WDFY3: variants seen among roughly 807,000 people sequenced by gnomAD.
WDFY3 encodes the protein WD repeat and FYVE domain containing 3, also known as WD repeat and FYVE domain-containing protein 3.
Under a neutral mutation model 409.6 loss-of-function variants are expected in WDFY3, and 66 were observed. The observed-to-expected ratio is 0.16, with a 90% confidence interval of 0.13 to 0.20. The LOEUF (loss-of-function observed/expected upper bound fraction) is 0.20, where lower values mean the gene tolerates loss of function less well. Ranked by LOEUF, WDFY3 falls within the 10% of genes least tolerant of loss-of-function variation. WDFY3 has a pLI of 1.00. For missense variants in WDFY3, 3,031 were observed against 4,298.1 expected (o/e 0.71, Z 8.24); for synonymous variants, 1,521 against 1,537.1 (o/e 0.99, Z 0.25).
rs1732453248 is a variant in WDFY3, at chr4:84,709,027, C to G, written c.8099G>C (p.Arg2700Thr). Residue 2700 changes from arginine (R) to threonine (T), a missense_variant and splice_region_variant, in exon 53 of 68, where the codon AGA becomes ACA. Around this residue, in one of 16 missense-constraint regions of WDFY3, gnomAD observed 45 missense variants for 121.8 expected, o/e 0.37. Transcript: ENST00000295888. ...ATATTGGAAGTTGCTGATTTCACCT[C>G]TCTGGAAAAAGATAAATATTCATTT... The part of the protein sequence containing the change: ...GEKSVTQRWE[R>T]GEISNFQYLM... 1 of 1,613,342 alleles carries G rather than the reference C, an allele frequency of 6.2e-7. No homozygotes were observed. Among genetic ancestry groups the G allele is most frequent in the Non-Finnish European group, 8.5e-7 (1 of 1,179,754 alleles).
chr4:84,961,668 T>A (rs1561172208), intron 1 of WDFY3, among the ~76,000 whole-genome samples: 1 of 152,112 alleles, frequency 6.6e-6, no homozygotes, highest in Non-Finnish European at 1.5e-5. Flanking sequence ...ATTATTTTTT[T>A]ATAAATATCT....
chr4:84,771,272 G>C (rs1744636833), intron 30 of WDFY3, among the ~76,000 whole-genome samples: 2 of 152,002 alleles, frequency 1.3e-5, no homozygotes, highest in African/African-American at 4.8e-5. Context: ...TGAGTAGCTG[G>C]GTCTATAGGT....
chr4:84,828,332 A>C (rs1755160737), intron 9 of WDFY3, among the ~76,000 whole-genome samples: 1 of 152,176 alleles, frequency 6.6e-6, no homozygotes, highest in East Asian at 1.9e-4. Context: ...TTTCATATAC[A>C]CAGTTGTAAG....
At chr4:84,686,661 G>C (rs1202930796) in intron 62 of WDFY3, among the ~76,000 whole-genome samples, 1 of 152,160 alleles carries the variant, frequency 6.6e-6, no homozygotes, top group Non-Finnish European at 1.5e-5. Context: ...GTAGGGGTGA[G>C]GGTAAGGTGG....
In WDFY3 at chr4:84,672,942, C is replaced by T; in HGVS notation, c.10507G>A (p.Val3503Met). ...EIKRLKISSP[V>M]RVCQNCYYNL... ...TAATAACAGTTCTGACAAACACGCA[C>T]CGGGGATGAGATTTTCAAGCGTTTG... Residue 3503 changes from valine to methionine, a missense_variant, in exon 68 of 68, where the codon GTG (valine) becomes ATG (methionine). Val to Met is a conservative substitution (Grantham distance 21). Transcript: ENST00000295888. 6.2e-7 allele frequency: 1 copy of T among 1,614,034 alleles called. No homozygotes were observed. Among genetic ancestry groups the T allele is most frequent in the Non-Finnish European group, 8.5e-7 (1 of 1,179,992 alleles).
intron 37 of WDFY3, among the ~76,000 whole-genome samples, 178 bp from the exon 38 acceptor site, chr4:84,742,099 T>C (rs961915658): frequency 5.9e-5 from 9 of 152,214 alleles, no homozygotes; most frequent in African/African-American, 2.2e-4. Flanking sequence ...GAAATCAGGA[T>C]AAATAATTTC....
At chr4:84,957,572 G>A (rs1057015347) in intron 1 of WDFY3, among the ~76,000 whole-genome samples, 3 of 152,158 alleles carry the variant, frequency 2.0e-5, no homozygotes, top group African/African-American at 7.2e-5. Flanking sequence ...CCTGCAACAA[G>A]AACTGGGGAA....
chr4:84,780,923 C>T (rs1215033281), intron 25 of WDFY3, among the ~76,000 whole-genome samples: 1 of 152,038 alleles, frequency 6.6e-6, no homozygotes. Context: ...TAGCTCTGGG[C>T]TGTACTCAAA....
At chr4:84,940,591 A>T (rs1297707594) in intron 1 of WDFY3, among the ~76,000 whole-genome samples, 1 of 152,034 alleles carries the variant, frequency 6.6e-6, no homozygotes, top group African/African-American at 2.4e-5. Flanking sequence ...CTTTTTTCTT[A>T]CATAAAAGAT....
At chr4:84,760,468 G>C (rs1379767172) in intron 32 of WDFY3, among the ~76,000 whole-genome samples, 1 of 151,982 alleles carries the variant, frequency 6.6e-6, no homozygotes, top group Non-Finnish European at 1.5e-5. Flanking sequence ...ATTGATTATT[G>C]CCACAATTTC....
intron 30 of WDFY3, among the ~76,000 whole-genome samples, chr4:84,772,422 C>T (rs1560718798): frequency 6.6e-6 from 1 of 151,864 alleles, no homozygotes; most frequent in African/African-American, 2.4e-5. Flanking sequence ...TCAGTGACTA[C>T]TAAATATTTA....
At chr4:84,759,619 G>T (rs1407125275) in intron 32 of WDFY3, among the ~76,000 whole-genome samples, 1 of 149,222 alleles carries the variant, frequency 6.7e-6, no homozygotes, top group Non-Finnish European at 1.5e-5. Context: ...TGTTATTGGT[G>T]TATAAGAATG....
intron 3 of WDFY3, among the ~76,000 whole-genome samples, chr4:84,892,049 A>G (rs1765031800): frequency 6.7e-6 from 1 of 150,002 alleles, no homozygotes; most frequent in Admixed American, 6.6e-5. Context: ...TTTGCATGCA[A>G]TCCCTAACAT....
At chr4:84,754,431 C>A (rs1022880612) in intron 34 of WDFY3, among the ~76,000 whole-genome samples, 2 of 152,086 alleles carry the variant, frequency 1.3e-5, no homozygotes, top group African/African-American at 4.8e-5. Flanking sequence ...GAATAGGCAC[C>A]AAAACGAGAC....
chr4:84,846,591 T>C (rs1758106500), intron 5 of WDFY3, among the ~76,000 whole-genome samples: 1 of 148,796 alleles, frequency 6.7e-6, no homozygotes, highest in Non-Finnish European at 1.5e-5. Flanking sequence ...GTTTTAGGAA[T>C]TTTTTCCTAA....
intron 2 of WDFY3, among the ~76,000 whole-genome samples, chr4:84,927,684 A>T (rs1236165911): frequency 6.6e-6 from 1 of 152,218 alleles, no homozygotes; most frequent in African/African-American, 2.4e-5. Context: ...TGATGGTTTT[A>T]TAAGTGTCTG....
rs1265681962 is a variant in WDFY3 at position 84,795,767 on chromosome 4, GA to G, written c.3167+753del. On this transcript the variant is annotated intron_variant, in intron 19 of 67. Transcript: ENST00000295888. ...ACAGGGCAAGACTCTGACTCAAAAG[GA>G]AAAAAAAAAAACAAAACTCTAATAG... 2.6e-4 allele frequency among the ~76,000 whole-genome samples: 34 copies of G among 132,562 alleles called. 1 individual carries two copies. The highest frequency in any genetic ancestry group is 1.5e-3 in the South Asian group (6 of 4,030). 87.0% of individuals were successfully genotyped at this position (132,562 alleles called of 152,430 possible).
At chr4:84,952,678 C>T (rs959563719) in intron 1 of WDFY3, among the ~76,000 whole-genome samples, 3 of 151,982 alleles carry the variant, frequency 2.0e-5, no homozygotes, top group African/African-American at 7.2e-5. Context: ...TGCTATTCCA[C>T]TCAGAAATAA....
intron 49 of WDFY3, among the ~76,000 whole-genome samples, chr4:84,716,475 G>T (rs1277721927): frequency 1.4e-5 from 2 of 147,164 alleles, no homozygotes; most frequent in Admixed American, 1.4e-4. Flanking sequence ...CCTATTGAGG[G>T]TTTCCATGGC....
Sources: allele counts gnomAD v4.1 joint callset (sites outside exome capture counted in the v4.1 genomes callset), GRCh38; gene constraint gnomAD v4.1.1; regional missense constraint gnomAD v4.1.1; transcripts MANE v1.5; gene names NCBI Gene and HGNC (gene_info 2026-07-23, HGNC 2026-07-21).